Variants in PTPRQ observed in about 807,000 individuals in gnomAD.
The protein encoded by PTPRQ is phosphatidylinositol phosphatase PTPRQ.
In PTPRQ, 199 loss-of-function variants were observed where a neutral mutation model predicts 246.0. That is an observed-to-expected ratio of 0.81 (90% CI 0.72 to 0.91). The LOEUF (loss-of-function observed/expected upper bound fraction) is 0.91. Ranked by LOEUF, PTPRQ falls within the 40% of genes least tolerant of loss-of-function variation. PTPRQ has a pLI of 0.00. For missense variants in PTPRQ, 2,624 were observed against 2,528.4 expected (o/e 1.04, Z -0.81); for synonymous variants, 869 against 853.2 (o/e 1.02, Z -0.32).
intron 8 of PTPRQ, among the ~76,000 whole-genome samples, chr12:80,481,687 C>G (rs1894064942): frequency 6.6e-6 from 1 of 152,014 alleles, no homozygotes; most frequent in Admixed American, 6.6e-5. Flanking sequence ...TCTCAGGATA[C>G]AAAACCAATG....
At chr12:80,628,238 G>C (rs927026567) in intron 33 of PTPRQ, among the ~76,000 whole-genome samples, 5 of 152,086 alleles carry the variant, frequency 3.3e-5, no homozygotes, top group African/African-American at 1.2e-4. Context: ...GGTGATACAT[G>C]CTGCTTTCTC....
At chr12:80,559,121 C>T (rs190818560) in intron 25 of PTPRQ, among the ~76,000 whole-genome samples, 2 of 152,084 alleles carry the variant, frequency 1.3e-5, no homozygotes, top group East Asian at 1.9e-4. Context: ...CTCAGCTCAC[C>T]GGAACCTCCG....
chr12:80,612,154 G>T (rs1898575860), intron 28 of PTPRQ, among the ~76,000 whole-genome samples: 1 of 150,180 alleles, frequency 6.7e-6, no homozygotes, highest in Non-Finnish European at 1.5e-5. Flanking sequence ...CACTAATTAT[G>T]TTATGCATCA....
chr12:80,631,324 A>G (rs1283242590), intron 33 of PTPRQ, among the ~76,000 whole-genome samples: 1 of 152,200 alleles, frequency 6.6e-6, no homozygotes, highest in Non-Finnish European at 1.5e-5. Flanking sequence ...TATCTTATAT[A>G]ACAAACATTC....
chr12:80,665,887 A>G (rs1900770917), intron 39 of PTPRQ, among the ~76,000 whole-genome samples: 3 of 152,104 alleles, frequency 2.0e-5, no homozygotes, highest in Admixed American at 2.0e-4. Context: ...TCAAAACCAC[A>G]ATGAAACACC....
At chr12:80,467,553 C>A (rs1893470148) in intron 6 of PTPRQ, among the ~76,000 whole-genome samples, 1 of 152,180 alleles carries the variant, frequency 6.6e-6, no homozygotes, top group South Asian at 2.1e-4. Flanking sequence ...AAGACACATG[C>A]ACACATATGT....
chr12:80,489,764 A>C (rs1894387541), intron 9 of PTPRQ, among the ~76,000 whole-genome samples: 2 of 151,986 alleles, frequency 1.3e-5, no homozygotes, highest in South Asian at 4.1e-4. Flanking sequence ...CATTCCACTG[A>C]GACTGAAGTC....
intron 17 of PTPRQ, among the ~76,000 whole-genome samples, chr12:80,523,020 A>G (rs1382931500): frequency 6.6e-6 from 1 of 152,028 alleles, no homozygotes; most frequent in African/African-American, 2.4e-5. Context: ...GTAAGCTATT[A>G]ATTATTGCCT....
intron 38 of PTPRQ, among the ~76,000 whole-genome samples, chr12:80,655,217 G>A (rs1900393189): frequency 6.6e-6 from 1 of 151,988 alleles, no homozygotes; most frequent in Non-Finnish European, 1.5e-5. Flanking sequence ...AAATTAATCA[G>A]GTTTCCTGGG....
In PTPRQ at chr12:80,635,064, G is replaced by A; in HGVS notation, c.5906G>A (p.Arg1969Lys). 1 of 1,550,874 alleles carries A rather than the reference G, an allele frequency of 6.4e-7. No homozygotes were observed. The highest frequency in any genetic ancestry group is 1.7e-4 in the Middle Eastern group (1 of 5,992). The change falls in exon 35 of 45, where the codon AGA (arginine) becomes AAA (lysine). Residue 1969 changes from arginine to lysine, a missense_variant. By Grantham distance (26) the Arg-to-Lys change is conservative. Transcript: ENST00000644991. ...TVADLELKDE[R>K]LTRLLSYRKS... ...GCAGACCTGGAACTGAAGGACGAGA[G>A]ATTAACGCGGTGAGCACACTCCTCT...
In PTPRQ at chr12:80,679,014, C is replaced by G. The variant is rs1412945925; in HGVS notation, c.6891C>G (p.Thr2297=). ...EGDVELEWEE[T]TM is the part of the protein sequence containing the mutation. Reference sequence around the variant, plus strand: ...ATGTTGAGCTTGAATGGGAAGAAACCACTATGTAAATATTCAGACCAAAGG... The same window carrying G: ...ATGTTGAGCTTGAATGGGAAGAAACGACTATGTAAATATTCAGACCAAAGG... Residue 2297 remains threonine, a synonymous_variant, in exon 45 of 45, where the codon ACC becomes ACG. Transcript: ENST00000644991. The G allele has an allele frequency of 1.3e-6, 2 of 1,547,366 alleles. No homozygotes were observed. Among genetic ancestry groups the G allele is most frequent in the African/African-American group, 2.7e-5 (2 of 72,934 alleles).
At chr12:80,629,794 G>C (rs1479827941) in intron 33 of PTPRQ, among the ~76,000 whole-genome samples, 1 of 152,184 alleles carries the variant, frequency 6.6e-6, no homozygotes, top group East Asian at 1.9e-4. Flanking sequence ...ATTCATGCAA[G>C]ACAGGATGGT....
intron 27 of PTPRQ, among the ~76,000 whole-genome samples, chr12:80,610,074 G>A (rs995782812): frequency 2.7e-5 from 4 of 150,408 alleles, no homozygotes; most frequent in African/African-American, 7.3e-5. Context: ...GCTATAAGTG[G>A]CCAATTTGGG....
At chr12:80,669,971 A>G (rs1900915912) in intron 41 of PTPRQ, among the ~76,000 whole-genome samples, 1 of 152,090 alleles carries the variant, frequency 6.6e-6, no homozygotes, top group Non-Finnish European at 1.5e-5. Context: ...AAGGATCTTT[A>G]TACTTTTCAC....
intron 25 of PTPRQ, among the ~76,000 whole-genome samples, chr12:80,552,916 T>A (rs1401305524): frequency 1.3e-5 from 2 of 151,844 alleles, no homozygotes; most frequent in African/African-American, 4.8e-5. Context: ...ATTTGGGAAT[T>A]AGGACTCAGA....
chr12:80,613,997 C>T (rs1898654674), intron 29 of PTPRQ, among the ~76,000 whole-genome samples, 161 bp downstream of exon 29: 1 of 150,478 alleles, frequency 6.6e-6, no homozygotes, highest in Non-Finnish European at 1.5e-5. Flanking sequence ...CTGAAATTAC[C>T]TATTTTCTGC....
chr12:80,484,439 G>A lies in PTPRQ; in HGVS notation c.1193G>A (p.Gly398Glu). Reference protein sequence around the residue: ...ISVFTPPDVPGAVFDLQLAEV... With the variant: ...ISVFTPPDVPEAVFDLQLAEV... ...TTCTTTCTTTCTTTCTTAGTTCCAG[G>A]GGCAGTGTTTGATTTACAACTTGCA... Residue 398 changes from glycine to glutamate, a missense_variant, in exon 9 of 45, where the codon GGG (glycine) becomes GAG (glutamate). Gly to Glu is a moderately conservative substitution (Grantham distance 98, BLOSUM62 -2). Coordinates refer to ENST00000644991, the MANE Select transcript of PTPRQ (RefSeq NM_001145026.2). 1 of 1,542,044 alleles carries A rather than the reference G, an allele frequency of 6.5e-7. No homozygotes were observed. The highest frequency in any genetic ancestry group is 8.7e-7 in the Non-Finnish European group (1 of 1,143,798).
intron 17 of PTPRQ, among the ~76,000 whole-genome samples, chr12:80,511,343 G>C (rs527445110): frequency 3.9e-5 from 6 of 152,066 alleles, no homozygotes; most frequent in Non-Finnish European, 8.8e-5. Context: ...TTGCCTAGTC[G>C]TGACGAAAGT....
At chr12:80,555,458 CTT>C (rs1431469991) in intron 25 of PTPRQ, among the ~76,000 whole-genome samples, 3 of 151,992 alleles carry the variant, frequency 2.0e-5, no homozygotes, top group Non-Finnish European at 4.4e-5. Context: ...AACTGCTGCC[CTT>C]CTATGGCTAC....
Sources: gnomAD v4.1 joint callset for allele counts (sites outside exome capture counted in the v4.1 genomes callset) on GRCh38, gnomAD v4.1.1 for gene constraint, MANE v1.5 for transcripts, NCBI Gene and HGNC (gene_info 2026-07-23, HGNC 2026-07-21) for gene names.